Variants in PFKFB3 observed in about 807,000 individuals in gnomAD.
PFKFB3 encodes 6-phosphofructo-2-kinase/fructose-2,6-biphosphatase 3.
PFKFB3 carries 33 observed loss-of-function variants against 68.0 expected under a neutral mutation model. The observed-to-expected ratio is 0.49, with a 90% confidence interval of 0.37 to 0.65. PFKFB3 has a LOEUF of 0.65. Among genes scored for constraint, PFKFB3 ranks in the 30% least tolerant of loss-of-function variants. PFKFB3 has a pLI of 0.00. For missense variants in PFKFB3, 586 were observed against 712.2 expected, an observed-to-expected ratio of 0.82 and a Z score of 2.02; for synonymous variants, 315 against 288.2, an observed-to-expected ratio of 1.09 and a Z score of -0.94.
intron 1 of PFKFB3, among the ~76,000 whole-genome samples, chr10:6,205,974 A>ATT (rs71390197): frequency 5.7e-4 from 83 of 146,082 alleles, no homozygotes; most frequent in Admixed American, 1.4e-3. Context: ...ATTAAAAAAA[A>ATT]TTTTTTTTTT....
At chr10:6,315,536 T>C in the PFKFB3 span, among the ~76,000 whole-genome samples, 1 of 152,160 alleles carries the variant, frequency 6.6e-6, no homozygotes, top group Non-Finnish European at 1.5e-5. Context: ...CAGGCTGGAG[T>C]GCAATGGTGC....
chr10:6,199,120 T>C (rs1216185137), upstream of PFKFB3, among the ~76,000 whole-genome samples: 5 of 152,320 alleles, frequency 3.3e-5, no homozygotes, highest in East Asian at 9.6e-4. Context: ...GTGTCTCACT[T>C]CTCTCCCTCA....
intron 14 of PFKFB3, among the ~76,000 whole-genome samples, chr10:6,245,570 C>CCA (rs1385857950): frequency 6.6e-6 from 1 of 152,070 alleles, no homozygotes; most frequent in East Asian, 1.9e-4. Context: ...GTGTGCACCA[C>CCA]CACACCCAGC....
chr10:6,282,500 A>C, the PFKFB3 span, among the ~76,000 whole-genome samples: 1 of 152,232 alleles, frequency 6.6e-6, no homozygotes. Flanking sequence ...ATTCTGGAGC[A>C]GCTGTGACCG....
chr10:6,187,333 C>G (rs11257146), intron 1 of PFKFB3, among the ~76,000 whole-genome samples: 3,386 of 152,202 alleles, frequency 0.022, 62 homozygotes, highest in Middle Eastern at 0.048. Flanking sequence ...TGCACTCCAG[C>G]CTGGGCCACA....
chr10:6,305,480 C>A, the PFKFB3 span, among the ~76,000 whole-genome samples: 1 of 152,172 alleles, frequency 6.6e-6, no homozygotes. Context: ...CACACCCAGC[C>A]AATTTGTAGG....
At chr10:6,268,339 GC>G in the PFKFB3 span, among the ~76,000 whole-genome samples, 11 of 152,108 alleles carry the variant, frequency 7.2e-5, no homozygotes, top group African/African-American at 2.4e-4. Flanking sequence ...TTTTGGGGGT[GC>G]TTTTCTATAC....
chr10:6,263,347 T>G, the PFKFB3 span, among the ~76,000 whole-genome samples: 19 of 152,264 alleles, frequency 1.2e-4, no homozygotes, highest in Non-Finnish European at 2.6e-4. Context: ...AGGTGTTCCT[T>G]GCTCTCATTC....
At chr10:6,166,654 G>A (rs896934891) in intron 1 of PFKFB3, among the ~76,000 whole-genome samples, 1 of 152,046 alleles carries the variant, frequency 6.6e-6, no homozygotes, top group Admixed American at 6.6e-5. Context: ...CCATCTCACC[G>A]CAAGTCGGAT....
chr10:6,239,413 G>A (rs2132072398), downstream of PFKFB3, among the ~76,000 whole-genome samples: 1 of 152,312 alleles, frequency 6.6e-6, no homozygotes, highest in East Asian at 1.9e-4. Context: ...CTGCCAGGAT[G>A]CTCCTGCATG....
At chr10:6,205,909 C>T (rs969640298) in intron 1 of PFKFB3, among the ~76,000 whole-genome samples, 6 of 151,902 alleles carry the variant, frequency 3.9e-5, no homozygotes, top group Admixed American at 2.6e-4. Context: ...GTGATGCTCC[C>T]GCCTCAGCCT....
At chr10:6,252,941 CAG>C (rs1846412315) in intron 14 of PFKFB3, among the ~76,000 whole-genome samples, 1 of 152,116 alleles carries the variant, frequency 6.6e-6, no homozygotes. Context: ...GTTTTTGAGA[CAG>C]AGTCTCGTTC....
intron 1 of PFKFB3, among the ~76,000 whole-genome samples, chr10:6,185,634 C>T (rs992344181): frequency 3.2e-5 from 4 of 125,466 alleles, no homozygotes; most frequent in East Asian, 2.3e-4. Context: ...ACTTCCTCCC[C>T]GCTCCTTTTT....
chr10:6,239,896 ACTC>A (rs1846101863), downstream of PFKFB3, among the ~76,000 whole-genome samples: 1 of 151,850 alleles, frequency 6.6e-6, no homozygotes, highest in African/African-American at 2.4e-5. Flanking sequence ...CTGATCTCGA[ACTC>A]CTGGACTCAA....
chr10:6,259,542 TCATC>T (rs201570223), downstream of PFKFB3, among the ~76,000 whole-genome samples: 2 of 137,982 alleles, frequency 1.4e-5, no homozygotes, highest in African/African-American at 2.8e-5. Context: ...ATCCATCTGC[TCATC>T]CATCCATCCA....
intron 1 of PFKFB3, among the ~76,000 whole-genome samples, chr10:6,212,785 C>T (rs1364317224): frequency 6.6e-6 from 1 of 152,204 alleles, no homozygotes; most frequent in Non-Finnish European, 1.5e-5. Context: ...CAGGCATGAA[C>T]CACCGCGCCT....
In PFKFB3 at chr10:6,220,942, G is replaced by GTGC. The variant is rs3084010; in HGVS notation, c.831+103_831+105dup. 0.56 allele frequency: 494,136 copies of GTGC among 886,368 alleles called. 143,300 individuals are homozygous for GTGC. Among genetic ancestry groups the GTGC allele is most frequent in the South Asian group, 0.63 (44,198 of 69,930 alleles). 54.9% of individuals were successfully genotyped at this position (886,368 alleles called of 1,614,324 possible). A position where few individuals can be genotyped will look rare whatever the true frequency, so the allele number is the denominator to read the frequency against. ...GTCTATAGGGTGGGTGGGGAGCTGTGTGCTGCTGCTGCTGCTGCTGCTGCT... is the reference window on the plus strand; with the variant it reads ...GTCTATAGGGTGGGTGGGGAGCTGTGTGCTGCTGCTGCTGCTGCTGCTGCTGCT... On this transcript the variant is annotated intron_variant, in intron 8 of 14. Coordinates refer to ENST00000379775, the MANE Select transcript of PFKFB3 (RefSeq NM_004566.4). The surrounding 1 kb of genome is among the most constrained non-coding windows in gnomAD (Gnocchi z 4.1).
chr10:6,213,730 A>T lies in PFKFB3; in HGVS notation c.184A>T (p.Ile62Phe). ...SKKLTRYLNW[I>F]GVPTKVFNVG... ...GAAGCTGACTCGCTACCTCAACTGG[A>T]TTGGCGTCCCCACAAAAGGTGAGAC... The change falls in exon 2 of 15, where the codon ATT becomes TTT. Residue 62 changes from isoleucine (I) to phenylalanine (F), a missense_variant. Ile to Phe is a conservative substitution (Grantham distance 21, BLOSUM62 0). Coordinates refer to ENST00000379775, the MANE Select transcript of PFKFB3 (RefSeq NM_004566.4). The T allele has an allele frequency of 6.2e-7, 1 of 1,612,894 alleles. No homozygotes were observed. Among genetic ancestry groups the T allele is most frequent in the Non-Finnish European group, 8.5e-7 (1 of 1,179,536 alleles).
chr10:6,277,188 A>G, the PFKFB3 span, among the ~76,000 whole-genome samples: 1 of 152,112 alleles, frequency 6.6e-6, no homozygotes, highest in Admixed American at 6.6e-5. Flanking sequence ...TGATTGGATC[A>G]TGGGGATGGT....
Sources: allele counts gnomAD v4.1 joint callset (sites outside exome capture counted in the v4.1 genomes callset), GRCh38; gene constraint gnomAD v4.1.1; non-coding constraint Gnocchi (gnomAD v3.1); transcripts MANE v1.5; gene names NCBI Gene and HGNC (gene_info 2026-07-23, HGNC 2026-07-21).